The following PXDNL variants were observed in gnomAD, a reference collection of about 807,000 sequenced individuals.
PXDNL encodes the protein probable oxidoreductase PXDNL.
A neutral mutation model predicts 150.8 loss-of-function variants in PXDNL; 145 were observed. The observed-to-expected ratio is 0.96, with a 90% CI of 0.84 to 1.10. PXDNL has a LOEUF of 1.10. Ranked by LOEUF, PXDNL falls within the 50% of genes least tolerant of loss-of-function variation. The pLI is 0.00. For missense variants in PXDNL, 2,087 were observed against 1,873.9 expected, an observed-to-expected ratio of 1.11 and a Z score of -2.10; for synonymous variants, 757 against 725.7, an observed-to-expected ratio of 1.04 and a Z score of -0.69.
intron 3 of PXDNL, among the ~76,000 whole-genome samples, chr8:51,575,217 T>G (rs1813024698): frequency 6.6e-6 from 1 of 151,936 alleles, no homozygotes; most frequent in African/African-American, 2.4e-5. Context: ...TATATGTATT[T>G]AATACCTGAG....
chr8:51,577,259 C>G (rs1813075914), intron 3 of PXDNL, among the ~76,000 whole-genome samples: 1 of 151,362 alleles, frequency 6.6e-6, no homozygotes, highest in South Asian at 2.1e-4. Context: ...AAAATATTAG[C>G]AATATATTTG....
At chr8:51,567,225 G>C (rs1319585842) in intron 3 of PXDNL, among the ~76,000 whole-genome samples, 1 of 151,622 alleles carries the variant, frequency 6.6e-6, no homozygotes. Flanking sequence ...TGTTCTATGT[G>C]AGCTTGAGAA....
intron 1 of PXDNL, among the ~76,000 whole-genome samples, chr8:51,670,172 A>G (rs1815470901): frequency 6.6e-6 from 1 of 152,176 alleles, no homozygotes; most frequent in South Asian, 2.1e-4. Context: ...CAGGAGGCAG[A>G]GGTTGCAGTG....
At chr8:51,553,902 T>G (rs1457307561) in intron 4 of PXDNL, among the ~76,000 whole-genome samples, 2 of 152,066 alleles carry the variant, frequency 1.3e-5, no homozygotes, top group Non-Finnish European at 2.9e-5. Flanking sequence ...TCTTTAAAGA[T>G]GTCCCTTGCC....
chr8:51,554,315 G>C (rs749219544), intron 4 of PXDNL, among the ~76,000 whole-genome samples: 8 of 152,104 alleles, frequency 5.3e-5, no homozygotes, highest in Non-Finnish European at 2.9e-5. Flanking sequence ...ATGCTGAGCT[G>C]CTCTCTTGAG....
intron 2 of PXDNL, among the ~76,000 whole-genome samples, chr8:51,624,358 T>C (rs1037935659): frequency 9.9e-5 from 15 of 152,132 alleles, no homozygotes; most frequent in African/African-American, 3.6e-4. Context: ...TGTTGTTTTG[T>C]TTTCTAGTTT....
At chr8:51,362,733 AGC>A (rs1309802812) in intron 19 of PXDNL, among the ~76,000 whole-genome samples, 2 of 152,346 alleles carry the variant, frequency 1.3e-5, no homozygotes, top group African/African-American at 4.8e-5. Flanking sequence ...AGGGCAATGA[AGC>A]ATGTGATTGA....
At chr8:51,565,948 T>G (rs1812820255) in intron 3 of PXDNL, among the ~76,000 whole-genome samples, 1 of 151,876 alleles carries the variant, frequency 6.6e-6, no homozygotes, top group Non-Finnish European at 1.5e-5. Flanking sequence ...AGGGGTTTTT[T>G]TTGGATCTTC....
At position 51,340,756 on chromosome 8, in the gene PXDNL, C is replaced by G. The variant is rs936870072; in HGVS notation, c.4017-1003G>C. ...CTGGATAACTCCATGTCCTCTGAGGCACTGTGAGCTAGAGGCACCATGAAT... is the reference window on the plus strand; with the variant it reads ...CTGGATAACTCCATGTCCTCTGAGGGACTGTGAGCTAGAGGCACCATGAAT... On this transcript the variant is annotated intron_variant, in intron 20 of 22. Coordinates refer to ENST00000356297, the MANE Select transcript of PXDNL (RefSeq NM_144651.5). Among the ~76,000 whole-genome samples the G allele has an allele frequency of 1.1e-4, 16 of 152,326 alleles. No individual in the cohort carries two copies. In the East Asian group the frequency reaches 3.1e-3, roughly 29 times the overall value.
chr8:51,783,828 C>T (rs1453268796), intron 1 of PXDNL, among the ~76,000 whole-genome samples: 1 of 152,036 alleles, frequency 6.6e-6, no homozygotes, highest in Non-Finnish European at 1.5e-5. Flanking sequence ...GTTTAGCGAG[C>T]CTTAGAAATA....
chr8:51,595,806 A>G (rs767006903), intron 2 of PXDNL, among the ~76,000 whole-genome samples: 20 of 147,220 alleles, frequency 1.4e-4, no homozygotes, highest in Admixed American at 2.7e-4. Context: ...CAACGCATAA[A>G]TCATTTGCAG....
chr8:51,755,929 G>T (rs923561664), intron 1 of PXDNL, among the ~76,000 whole-genome samples: 1 of 152,140 alleles, frequency 6.6e-6, no homozygotes, highest in Non-Finnish European at 1.5e-5. Context: ...CATATATTAG[G>T]TTGGTGCAAA....
At chr8:51,438,612 G>A (rs1484090345) in intron 12 of PXDNL, among the ~76,000 whole-genome samples, 2 of 152,186 alleles carry the variant, frequency 1.3e-5, no homozygotes, top group Non-Finnish European at 2.9e-5. Context: ...CTACTCAGGA[G>A]GCTGAGGCAG....
At chr8:51,772,237 T>TATACAC (rs1554514682) in intron 1 of PXDNL, among the ~76,000 whole-genome samples, 1 of 130,342 alleles carries the variant, frequency 7.7e-6, no homozygotes, top group East Asian at 2.4e-4. Context: ...TCTCTCTATA[T>TATACAC]ACACACACAC....
At chr8:51,332,812 A>C (rs1805728951) in intron 21 of PXDNL, among the ~76,000 whole-genome samples, 1 of 152,228 alleles carries the variant, frequency 6.6e-6, no homozygotes, top group Non-Finnish European at 1.5e-5. Flanking sequence ...GAAAATATGA[A>C]CAAAGCCTCC....
In PXDNL at chr8:51,760,818, T is replaced by C. The variant is rs1027448661; in HGVS notation, c.164+48363A>G. Reference sequence around the variant, plus strand: ...AAATCCCTGTTCCCAGCCAGGTTCATGGTTAGCCTGAAGGAAATCACTTAA... The same window carrying C: ...AAATCCCTGTTCCCAGCCAGGTTCACGGTTAGCCTGAAGGAAATCACTTAA... On this transcript the variant is annotated intron_variant, in intron 1 of 22. Transcript: ENST00000356297. Among the ~76,000 whole-genome samples the C allele has an allele frequency of 3.4e-5, 5 of 148,560 alleles. No homozygotes were observed. The South Asian group carries it at 1.1e-3, about 32-fold the overall frequency.
rs983933604 is a variant in PXDNL at position 51,375,482 on chromosome 8, C to A, written c.3558-751G>T. 2.0e-5 allele frequency among the ~76,000 whole-genome samples: 3 copies of A among 152,186 alleles called. No individual in the cohort carries two copies. In the South Asian group the frequency reaches 6.2e-4, roughly 31 times the overall value. ...TTTATTTTGTTTCATACATATGATT[C>A]TCTAAACTACAAATAGTTTAGTTTG... On this transcript the variant is annotated intron_variant, in intron 17 of 22. Coordinates refer to ENST00000356297, the MANE Select transcript of PXDNL (RefSeq NM_144651.5).
At chr8:51,517,570 T>C (rs1811570729) in intron 4 of PXDNL, among the ~76,000 whole-genome samples, 1 of 152,210 alleles carries the variant, frequency 6.6e-6, no homozygotes, top group African/African-American at 2.4e-5. Flanking sequence ...TTGTTATTTC[T>C]AAAATGCCAG....
intron 5 of PXDNL, among the ~76,000 whole-genome samples, chr8:51,486,778 ATATATATATATATATATTTTTTTTTTTT>A (rs1810758635): frequency 9.2e-5 from 1 of 10,906 alleles, no homozygotes; most frequent in Non-Finnish European, 2.1e-4. Flanking sequence ...ATATATATAT[ATATATATATATATATATTTTTTTTTTTT>A]TTTTTTTTTT....
Sources: gnomAD v4.1 joint callset for allele counts (sites outside exome capture counted in the v4.1 genomes callset) on GRCh38, gnomAD v4.1.1 for gene constraint, MANE v1.5 for transcripts, NCBI Gene and HGNC (gene_info 2026-07-23, HGNC 2026-07-21) for gene names.